The following GBF1 variants were observed in gnomAD, a reference collection of about 807,000 sequenced individuals.
GBF1 encodes the protein Golgi-specific brefeldin A-resistance guanine nucleotide exchange factor 1.
GBF1 carries 114 observed loss-of-function variants against 210.5 expected under a neutral mutation model. That is an observed-to-expected ratio of 0.54 (90% CI 0.47 to 0.63). GBF1 has a LOEUF of 0.63. Ranked by LOEUF, GBF1 falls within the 30% of genes least tolerant of loss-of-function variation. The pLI is 0.00. For missense variants in GBF1, 1,851 were observed against 2,357.7 expected (o/e 0.79, Z 4.45); for synonymous variants, 850 against 889.2 (o/e 0.96, Z 0.78).
chr10:102,308,887 TAAAA>T (rs903675884), intron 3 of GBF1, among the ~76,000 whole-genome samples: 1 of 144,498 alleles, frequency 6.9e-6, no homozygotes, highest in Admixed American at 7.0e-5. Context: ...ATAATAAAAT[TAAAA>T]AAAAAAAGAA....
At position 102,369,657 on chromosome 10, in the gene GBF1, G is replaced by A. The variant is rs367847780; in HGVS notation, c.3151-54G>A. 3.9e-5 allele frequency: 60 copies of A among 1,523,452 alleles called. 1 individual carries two copies. The Middle Eastern group carries it at 1.4e-3, about 35-fold the overall frequency. 94.4% of individuals were successfully genotyped at this position (1,523,452 alleles called of 1,614,324 possible). A position where few individuals can be genotyped will look rare whatever the true frequency, so the allele number is the denominator to read the frequency against. ...CCAGAGAACTTTGGTGGGTGGAGGC[G>A]GGCACAAATGCAAAGGACACATGGA... is the stretch of plus-strand genomic sequence containing the variant. On this transcript the variant is annotated intron_variant, in intron 24 of 39. Transcript: ENST00000369983.
chr10:102,336,817 AG>A (rs1471859473), intron 3 of GBF1, among the ~76,000 whole-genome samples: 1 of 152,054 alleles, frequency 6.6e-6, no homozygotes, highest in African/African-American at 2.4e-5. Context: ...GTAATATCCT[AG>A]GATTTGGAGG....
At chr10:102,239,416 A>C in the GBF1 span, among the ~76,000 whole-genome samples, 2 of 152,284 alleles carry the variant, frequency 1.3e-5, no homozygotes, top group East Asian at 3.9e-4. Flanking sequence ...TTTCACCTAT[A>C]ATTTCAGTGA....
chr10:102,301,194 T>A (rs917558850), intron 3 of GBF1, among the ~76,000 whole-genome samples: 2 of 152,156 alleles, frequency 1.3e-5, no homozygotes, highest in African/African-American at 4.8e-5. Flanking sequence ...TTAATGAGCA[T>A]GCTGCCTTCA....
intron 3 of GBF1, among the ~76,000 whole-genome samples, chr10:102,272,819 G>A (rs1366254108): frequency 6.6e-6 from 1 of 152,174 alleles, no homozygotes; most frequent in African/African-American, 2.4e-5. Flanking sequence ...TGGCAAATGT[G>A]GGTCTGCCTC....
chr10:102,234,852 A>G, the GBF1 span, among the ~76,000 whole-genome samples: 1 of 152,060 alleles, frequency 6.6e-6, no homozygotes, highest in Non-Finnish European at 1.5e-5. Flanking sequence ...GGCATTCCAT[A>G]CCTGCATCTT....
intron 3 of GBF1, among the ~76,000 whole-genome samples, chr10:102,296,239 A>G (rs2076894941): frequency 6.6e-6 from 1 of 152,202 alleles, no homozygotes; most frequent in African/African-American, 2.4e-5. Context: ...GCTGCTGCTT[A>G]TGAAAAAAAC....
chr10:102,327,317 G>C (rs889495232), intron 3 of GBF1, among the ~76,000 whole-genome samples: 12 of 152,232 alleles, frequency 7.9e-5, no homozygotes, highest in African/African-American at 2.7e-4. Flanking sequence ...AGCTGGTGGA[G>C]AGGGGAGGGG....
At chr10:102,314,408 A>G (rs1220389742) in intron 3 of GBF1, among the ~76,000 whole-genome samples, 2 of 152,056 alleles carry the variant, frequency 1.3e-5, no homozygotes, top group Admixed American at 6.6e-5. Flanking sequence ...AGGCCTCCCA[A>G]AATGCTGGGA....
intron 3 of GBF1, among the ~76,000 whole-genome samples, chr10:102,295,603 A>G (rs1325660680): frequency 6.6e-6 from 1 of 152,224 alleles, no homozygotes; most frequent in Non-Finnish European, 1.5e-5. Flanking sequence ...GAAGGGAAAA[A>G]ACAAGATAAG....
At chr10:102,302,860 G>A (rs1188275228) in intron 3 of GBF1, among the ~76,000 whole-genome samples, 1 of 152,080 alleles carries the variant, frequency 6.6e-6, no homozygotes, top group Non-Finnish European at 1.5e-5. Flanking sequence ...CAGCCCCCAT[G>A]ATGAAGAATT....
At chr10:102,355,045 C>A (rs1014673822) in intron 8 of GBF1, among the ~76,000 whole-genome samples, 4 of 151,928 alleles carry the variant, frequency 2.6e-5, no homozygotes, top group Non-Finnish European at 5.9e-5. Context: ...TGTGAAGATG[C>A]CCTCTGTCCT....
At chr10:102,322,918 GTAA>G (rs1001415621) in intron 3 of GBF1, among the ~76,000 whole-genome samples, 11 of 151,698 alleles carry the variant, frequency 7.3e-5, no homozygotes, top group Non-Finnish European at 1.3e-4. Flanking sequence ...CTGTCTCAAA[GTAA>G]TAATAATAAT....
At chr10:102,240,385 C>G (rs1278644557), upstream of GBF1, among the ~76,000 whole-genome samples, 2 of 152,246 alleles carry the variant, frequency 1.3e-5, no homozygotes, top group African/African-American at 4.8e-5. Flanking sequence ...CCCAGCCCAC[C>G]TCACCCCAAG....
chr10:102,307,708 G>A (rs926115224), intron 3 of GBF1, among the ~76,000 whole-genome samples: 5 of 152,010 alleles, frequency 3.3e-5, no homozygotes, highest in African/African-American at 7.3e-5. Flanking sequence ...GCAGAATGGC[G>A]TGAACCCGGG....
At chr10:102,289,107 A>G (rs1565065291) in intron 3 of GBF1, among the ~76,000 whole-genome samples, 1 of 64,574 alleles carries the variant, frequency 1.5e-5, no homozygotes, top group East Asian at 3.6e-4. Context: ...CTGTCTCAGA[A>G]AAAAAAAAAA....
At chr10:102,232,749 T>G in the GBF1 span, among the ~76,000 whole-genome samples, 1 of 152,154 alleles carries the variant, frequency 6.6e-6, no homozygotes, top group Admixed American at 6.5e-5. Flanking sequence ...TGCAAAAACT[T>G]AAAATCCTTC....
At chr10:102,284,649 G>C (rs1309584280) in intron 3 of GBF1, among the ~76,000 whole-genome samples, 1 of 152,072 alleles carries the variant, frequency 6.6e-6, no homozygotes, top group Non-Finnish European at 1.5e-5. Flanking sequence ...ACCACAATTT[G>C]TTCATCCATT....
chr10:102,335,778 G>A (rs548821615), intron 3 of GBF1, among the ~76,000 whole-genome samples: 1 of 152,228 alleles, frequency 6.6e-6, no homozygotes, highest in East Asian at 1.9e-4. Flanking sequence ...CATGGCGCAG[G>A]TAATAAATGT....
Sources: gnomAD v4.1 joint callset for allele counts (sites outside exome capture counted in the v4.1 genomes callset) on GRCh38, gnomAD v4.1.1 for gene constraint, MANE v1.5 for transcripts, NCBI Gene and HGNC (gene_info 2026-07-23, HGNC 2026-07-21) for gene names.